DDX6: variants seen among roughly 807,000 people sequenced by gnomAD.
DDX6 encodes DEAD-box helicase 6.
In DDX6, 7 loss-of-function variants were observed where a neutral mutation model predicts 60.6. The observed-to-expected ratio is 0.12, with a 90% CI of 0.07 to 0.22. DDX6 has a LOEUF of 0.22. Among genes scored for constraint, DDX6 ranks in the 10% least tolerant of loss-of-function variants. DDX6 has a pLI of 1.00. For missense variants in DDX6, 270 were observed against 589.9 expected (o/e 0.46, Z 5.62); for synonymous variants, 207 against 201.0 (o/e 1.03, Z -0.25).
intron 4 of DDX6, among the ~76,000 whole-genome samples, chr11:118,769,456 T>C (rs1467747820): frequency 6.6e-6 from 1 of 152,218 alleles, no homozygotes; most frequent in Non-Finnish European, 1.5e-5. Context: ...TACTTTGTTA[T>C]CTATTTTGCA....
At chr11:118,755,238 G>C (rs1246740674) in intron 12 of DDX6, among the ~76,000 whole-genome samples, 164 bp downstream of exon 12, 1 of 152,152 alleles carries the variant, frequency 6.6e-6, no homozygotes, top group Non-Finnish European at 1.5e-5. Context: ...CTTAATAAAT[G>C]CTACAGAAGA....
intron 3 of DDX6, among the ~76,000 whole-genome samples, chr11:118,780,540 C>T (rs551451649): frequency 3.9e-4 from 59 of 152,330 alleles, no homozygotes; most frequent in Non-Finnish European, 5.4e-4. Context: ...TGGTCTTGAA[C>T]TCCTGACCTC....
chr11:118,776,568 C>T (rs943496574), intron 4 of DDX6, among the ~76,000 whole-genome samples: 1 of 152,166 alleles, frequency 6.6e-6, no homozygotes, highest in African/African-American at 2.4e-5. Flanking sequence ...GGTGTGTTGG[C>T]TCACGTCTGT....
intron 3 of DDX6, among the ~76,000 whole-genome samples, chr11:118,780,114 CAAAAAAAAAAAA>C (rs71044492): frequency 3.0e-4 from 12 of 40,288 alleles, no homozygotes; most frequent in South Asian, 1.7e-3. Context: ...GACTCTATCT[CAAAAAAAAAAAA>C]AAAAAAAAAA....
In DDX6 at chr11:118,749,870, C is replaced by T. The variant is rs1286101610; in HGVS notation, c.*2235G>A. 6.6e-6 allele frequency: 1 copy of T among 152,480 alleles called. No homozygotes were observed. The highest frequency in any genetic ancestry group is 1.5e-5 in the Non-Finnish European group (1 of 68,014). The allele number at this position is 152,480 out of a possible 1,614,324, so 9.4% of individuals were successfully genotyped here. A position where few individuals can be genotyped will look rare whatever the true frequency, so the allele number is the denominator to read the frequency against. The stretch of plus-strand genomic sequence containing the variant: ...TATTTAGTAACCAACATTGACTGGA[C>T]AGAAAATATGAGGCTTGGGTTCCAA... On this transcript the variant is annotated 3_prime_UTR_variant, in exon 14 of 14. Coordinates refer to ENST00000534980, the MANE Select transcript of DDX6 (RefSeq NM_004397.6).
intron 4 of DDX6, among the ~76,000 whole-genome samples, chr11:118,776,894 T>TA (rs1309794431): frequency 6.6e-6 from 1 of 151,488 alleles, no homozygotes; most frequent in African/African-American, 2.4e-5. Flanking sequence ...TAACATGAAC[T>TA]ACATCATAGT....
intron 11 of DDX6, 148 bp from the exon 12 acceptor site, chr11:118,755,651 A>G: frequency 1.8e-6 from 1 of 570,940 alleles, no homozygotes; most frequent in South Asian, 2.4e-5. Flanking sequence ...ACCTTTCATA[A>G]TCACATTATC....
At chr11:118,765,415 A>C in intron 5 of DDX6, 60 bp from the exon 6 acceptor site, 1 of 1,553,770 alleles carries the variant, frequency 6.4e-7, no homozygotes, top group Non-Finnish European at 8.9e-7. Context: ...AACATGCTAT[A>C]CATCATTATT....
At chr11:118,781,425 A>G (rs942199683) in intron 2 of DDX6, among the ~76,000 whole-genome samples, 4 of 152,214 alleles carry the variant, frequency 2.6e-5, no homozygotes, top group African/African-American at 7.2e-5. Context: ...TATTGTATAC[A>G]GTGTAACTGT....
At chr11:118,760,296 G>T (rs140307741) in intron 7 of DDX6, among the ~76,000 whole-genome samples, 1 of 152,066 alleles carries the variant, frequency 6.6e-6, no homozygotes, top group Non-Finnish European at 1.5e-5. Context: ...TTCTGTAACA[G>T]AATTTAATTA....
At chr11:118,754,657 A>G in intron 13 of DDX6, 48 bp downstream of exon 13, 2 of 1,463,924 alleles carry the variant, frequency 1.4e-6, no homozygotes, top group Non-Finnish European at 9.2e-7. Flanking sequence ...GAAGATTTTG[A>G]TTTCCCTCAT....
At chr11:118,788,377 T>C (rs1862151071) in intron 1 of DDX6, 2 of 152,232 alleles carry the variant, frequency 1.3e-5, no homozygotes, top group Non-Finnish European at 2.9e-5. Flanking sequence ...ATCCCGTAAA[T>C]GGAAATCTTA....
chr11:118,777,453 A>G (rs1861738578), intron 4 of DDX6, among the ~76,000 whole-genome samples: 1 of 152,176 alleles, frequency 6.6e-6, no homozygotes, highest in Non-Finnish European at 1.5e-5. Flanking sequence ...CTTTCCACTG[A>G]AAGGACCAAG....
At chr11:118,765,170 AAC>A (rs1861308783) in intron 6 of DDX6, 37 bp downstream of exon 6, 6 of 1,594,342 alleles carry the variant, frequency 3.8e-6, no homozygotes, top group South Asian at 2.3e-5. Flanking sequence ...TGACTAAAAT[AAC>A]AGAGAGCTAC....
At position 118,779,787 on chromosome 11, in the gene DDX6, T is replaced by C. The variant is rs1861826915; in HGVS notation, c.265-51A>G. ...AAGAATAAATAACACTGTTGGTAAATTTGGTGTCCTTTGGTAAATTTATCT... is the reference window on the plus strand; with the variant it reads ...AAGAATAAATAACACTGTTGGTAAACTTGGTGTCCTTTGGTAAATTTATCT... On this transcript the variant is annotated intron_variant, in intron 3 of 13. Coordinates refer to ENST00000534980, the MANE Select transcript of DDX6 (RefSeq NM_004397.6). 6.9e-6 allele frequency: 9 copies of C among 1,311,674 alleles called. No individual in the cohort carries two copies. The South Asian group carries it at 1.1e-4, about 15-fold the overall frequency. 81.3% of individuals were successfully genotyped at this position (1,311,674 alleles called of 1,614,324 possible).
intron 9 of DDX6, among the ~76,000 whole-genome samples, chr11:118,758,569 C>T (rs1555159491): frequency 6.6e-6 from 1 of 152,088 alleles, no homozygotes; most frequent in Non-Finnish European, 1.5e-5. Context: ...GATGGGGTTT[C>T]ACCATGTTGG....
At chr11:118,770,860 C>G (rs534445032) in intron 4 of DDX6, among the ~76,000 whole-genome samples, 1 of 130,246 alleles carries the variant, frequency 7.7e-6, no homozygotes, top group South Asian at 2.4e-4. Flanking sequence ...CCAGCCTGGG[C>G]AATGGAGCAA....
rs559617052 is a variant in DDX6, at chr11:118,750,911, T to C, written c.*1194A>G. ...TCTGGGCCCCTTTACTAACACAGGG[T>C]ACCATAGAAATCTGCTCTCTACAGC... On this transcript the variant is annotated 3_prime_UTR_variant, in exon 14 of 14. Transcript: ENST00000534980. 2 of 152,494 alleles carry C rather than the reference T, an allele frequency of 1.3e-5. No individual in the cohort carries two copies. The highest frequency in any genetic ancestry group is 2.9e-5 in the Non-Finnish European group (2 of 67,980). The allele number at this position is 152,494 out of a possible 1,614,324, so 9.4% of individuals were successfully genotyped here.
At chr11:118,786,027 A>G (rs984203110) in intron 2 of DDX6, 25 bp downstream of exon 2, 3 of 1,596,862 alleles carry the variant, frequency 1.9e-6, no homozygotes, top group Admixed American at 1.7e-5. Flanking sequence ...ACAAGTGTTT[A>G]TTAATAATTT....
Sources: allele counts gnomAD v4.1 joint callset (sites outside exome capture counted in the v4.1 genomes callset), GRCh38; gene constraint gnomAD v4.1.1; transcripts MANE v1.5; gene names NCBI Gene and HGNC (gene_info 2026-07-23, HGNC 2026-07-21).